XYLT1: variants seen among roughly 807,000 people sequenced by gnomAD.
The protein encoded by XYLT1 is xylosyltransferase 1, also known as beta-D-xylosyltransferase 1.
A neutral mutation model predicts 91.3 loss-of-function variants in XYLT1; 36 were observed. The observed-to-expected ratio is 0.39, with a 90% CI of 0.30 to 0.52. XYLT1 has a LOEUF of 0.52. XYLT1 is among the 20% of genes least tolerant of loss of function. The pLI, the probability that XYLT1 is intolerant of heterozygous loss-of-function variation, is 0.68. For synonymous variants in XYLT1, 588 were observed against 532.0 expected (o/e 1.11, Z -1.45); for missense variants, 1,242 against 1,284.5 (o/e 0.97, Z 0.51).
chr16:17,244,768 C>G (rs2033407840), intron 3 of XYLT1, among the ~76,000 whole-genome samples: 1 of 152,070 alleles, frequency 6.6e-6, no homozygotes, highest in Non-Finnish European at 1.5e-5. Flanking sequence ...CCTAAATGTC[C>G]CTCAATAGGG....
chr16:17,235,369 G>A (rs539479848), intron 3 of XYLT1, among the ~76,000 whole-genome samples: 1 of 149,638 alleles, frequency 6.7e-6, no homozygotes, highest in Non-Finnish European at 1.5e-5. Context: ...GGTGCTGGGT[G>A]AGCTCTTCTC....
intron 1 of XYLT1, among the ~76,000 whole-genome samples, chr16:17,389,137 G>C (rs2035784799): frequency 6.6e-6 from 1 of 152,210 alleles, no homozygotes. Flanking sequence ...TTGTTCTTTT[G>C]CAGGAGCACA....
At chr16:17,391,639 C>T (rs2035820756) in intron 1 of XYLT1, among the ~76,000 whole-genome samples, 1 of 152,186 alleles carries the variant, frequency 6.6e-6, no homozygotes, top group Admixed American at 6.5e-5. Context: ...ATCCCAACAT[C>T]CCTTTACTCC....
chr16:17,177,086 G>A (rs1286871541), intron 5 of XYLT1, among the ~76,000 whole-genome samples: 1 of 152,028 alleles, frequency 6.6e-6, no homozygotes, highest in African/African-American at 2.4e-5. Flanking sequence ...ATTTACCACA[G>A]AAGCCATGTT....
At chr16:17,305,404 CCTT>C (rs751924159) in intron 2 of XYLT1, among the ~76,000 whole-genome samples, 30 of 145,264 alleles carry the variant, frequency 2.1e-4, no homozygotes, top group Non-Finnish European at 3.4e-4. Flanking sequence ...ATACAGAATA[CCTT>C]CTTCTTCTTC....
At chr16:17,346,998 G>A (rs920017207) in intron 2 of XYLT1, among the ~76,000 whole-genome samples, 11 of 152,160 alleles carry the variant, frequency 7.2e-5, no homozygotes, top group African/African-American at 1.7e-4. Flanking sequence ...TGAAGGCAGC[G>A]GGGAAGATCA....
intron 1 of XYLT1, among the ~76,000 whole-genome samples, chr16:17,393,787 A>T (rs1179361783): frequency 2.7e-5 from 4 of 145,584 alleles, no homozygotes; most frequent in South Asian, 4.3e-4. Context: ...TATTATTATT[A>T]TTTTTTGAGA....
chr16:17,470,321 G>T, intron 1 of XYLT1, 113 bp downstream of exon 1: 1 of 1,166,292 alleles, frequency 8.6e-7, no homozygotes, highest in Non-Finnish European at 1.1e-6. Context: ...TGTGGAGTCG[G>T]TAGGCTTGCA....
intron 3 of XYLT1, among the ~76,000 whole-genome samples, chr16:17,214,890 G>A (rs919349636): frequency 6.6e-6 from 1 of 152,158 alleles, no homozygotes; most frequent in Non-Finnish European, 1.5e-5. Context: ...CCAAAATGTT[G>A]TTTAATCTCA....
intron 2 of XYLT1, among the ~76,000 whole-genome samples, chr16:17,284,168 TG>T (rs749925599): frequency 2.6e-5 from 4 of 152,254 alleles, no homozygotes; most frequent in Non-Finnish European, 5.9e-5. Flanking sequence ...TCAACAGTCC[TG>T]TTGCGAAGAT....
chr16:17,237,150 G>A (rs556227630), intron 3 of XYLT1, among the ~76,000 whole-genome samples: 47 of 152,244 alleles, frequency 3.1e-4, no homozygotes, highest in African/African-American at 1.1e-3. Context: ...TGTAATATAC[G>A]AAGTTTGGTG....
chr16:17,155,799 A>G lies in XYLT1; in HGVS notation c.1370+3030T>C, dbSNP rs1274614708. On this transcript the variant is annotated intron_variant, in intron 6 of 11. Transcript: ENST00000261381. ...GTTTTAGGGTCTTGGAGGGAGGTGT[A>G]AGAAGCATTTCCTCAGCCTGAGACT... is the stretch of plus-strand genomic sequence containing the variant. 9.8e-5 allele frequency among the ~76,000 whole-genome samples: 15 copies of G among 152,288 alleles called. No homozygotes were observed. In the East Asian group the frequency reaches 2.7e-3, roughly 27 times the overall value.
chr16:17,231,793 C>T (rs1331858675), intron 3 of XYLT1, among the ~76,000 whole-genome samples: 1 of 152,010 alleles, frequency 6.6e-6, no homozygotes, highest in Admixed American at 6.6e-5. Context: ...AAAAATGGTA[C>T]ACCTATATAA....
At chr16:17,287,260 TA>T (rs2034155542) in intron 2 of XYLT1, among the ~76,000 whole-genome samples, 1 of 152,032 alleles carries the variant, frequency 6.6e-6, no homozygotes, top group African/African-American at 2.4e-5. Flanking sequence ...TCTTTTTTTT[TA>T]ATCCAGTTCA....
intron 3 of XYLT1, among the ~76,000 whole-genome samples, chr16:17,225,401 A>G (rs912541731): frequency 1.3e-5 from 2 of 152,180 alleles, no homozygotes; most frequent in African/African-American, 4.8e-5. Context: ...CGGTGAAAGC[A>G]AAGCATAAAA....
chr16:17,218,077 G>T (rs2032893799), intron 3 of XYLT1, among the ~76,000 whole-genome samples: 2 of 152,020 alleles, frequency 1.3e-5, no homozygotes, highest in African/African-American at 4.8e-5. Flanking sequence ...GGCCAACATG[G>T]TGAAACCTCA....
At chr16:17,461,185 G>C (rs1183829523) in intron 1 of XYLT1, among the ~76,000 whole-genome samples, 2 of 152,208 alleles carry the variant, frequency 1.3e-5, no homozygotes, top group African/African-American at 4.8e-5. Flanking sequence ...CCCATGAGCA[G>C]AGCAGCCCAG....
intron 3 of XYLT1, among the ~76,000 whole-genome samples, chr16:17,218,480 C>T (rs2032902681): frequency 6.6e-6 from 1 of 151,828 alleles, no homozygotes. Context: ...TTAGATGCCT[C>T]CAAAGATGGA....
At chr16:17,313,344 C>G (rs1337408021) in intron 2 of XYLT1, among the ~76,000 whole-genome samples, 1 of 152,174 alleles carries the variant, frequency 6.6e-6, no homozygotes, top group Non-Finnish European at 1.5e-5. Context: ...AGGGGACAGA[C>G]AGGACATCCA....
Sources: gnomAD v4.1 joint callset for allele counts (sites outside exome capture counted in the v4.1 genomes callset) on GRCh38, gnomAD v4.1.1 for gene constraint, MANE v1.5 for transcripts, NCBI Gene and HGNC (gene_info 2026-07-23, HGNC 2026-07-21) for gene names.